The following EHBP1 variants were observed in gnomAD, a reference collection of about 807,000 sequenced individuals.
EHBP1 encodes the protein EH domain-binding protein 1.
A neutral mutation model predicts 144.0 loss-of-function variants in EHBP1; 55 were observed. The observed-to-expected ratio is 0.38, with a 90% CI of 0.31 to 0.48. EHBP1 has a LOEUF of 0.48. Among genes scored for constraint, EHBP1 ranks in the 20% least tolerant of loss-of-function variants. The pLI is 0.98. For missense variants in EHBP1, 1,200 were observed against 1,364.2 expected, an observed-to-expected ratio of 0.88 and a Z score of 1.90; for synonymous variants, 469 against 472.7, an observed-to-expected ratio of 0.99 and a Z score of 0.10.
At chr2:62,843,871 A>G (rs944193503) in intron 7 of EHBP1, among the ~76,000 whole-genome samples, 1 of 152,236 alleles carries the variant, frequency 6.6e-6, no homozygotes, top group African/African-American at 2.4e-5. Flanking sequence ...ATTTACCAGC[A>G]AAAGTGGCAA....
chr2:62,989,759 A>T (rs2059340903), intron 15 of EHBP1, among the ~76,000 whole-genome samples: 1 of 152,150 alleles, frequency 6.6e-6, no homozygotes, highest in Non-Finnish European at 1.5e-5. Flanking sequence ...AGAATATATT[A>T]TGATTTTTAT....
intron 10 of EHBP1, among the ~76,000 whole-genome samples, chr2:62,915,081 C>T (rs189834165): frequency 1.6e-4 from 25 of 152,028 alleles, no homozygotes; most frequent in South Asian, 1.2e-3. Context: ...ATTCCTAGAT[C>T]GGCATTTCCC....
chr2:62,993,585 G>A lies in EHBP1; in HGVS notation c.2789G>A (p.Arg930Lys). The A allele has an allele frequency of 6.2e-7, 1 of 1,609,080 alleles. No individual in the cohort carries two copies. Among genetic ancestry groups the A allele is most frequent in the Non-Finnish European group, 8.5e-7 (1 of 1,176,958 alleles). The change falls in exon 17 of 23, where the codon AGA becomes AAA. Residue 930 changes from arginine (R) to lysine (K), a missense_variant. Transcript: ENST00000431489. ...TTACAAAAAACAACAGAACGTTTTA[G>A]AAATCCTGTTGTGTTCAGCAAAGAT... ...ERLQKTTERF[R>K]NPVVFSKDST...
chr2:62,847,432 T>C (rs1348399306), intron 7 of EHBP1, among the ~76,000 whole-genome samples: 1 of 152,162 alleles, frequency 6.6e-6, no homozygotes, highest in Non-Finnish European at 1.5e-5. Context: ...GTTTCTGACC[T>C]CATGGTAGGC....
chr2:62,861,902 A>G (rs1341320957), intron 8 of EHBP1, among the ~76,000 whole-genome samples: 1 of 152,152 alleles, frequency 6.6e-6, no homozygotes, highest in Non-Finnish European at 1.5e-5. Context: ...CCTCTTCCTG[A>G]AAGAAAAAAA....
chr2:62,711,585 C>T (rs1315219236), intron 2 of EHBP1, among the ~76,000 whole-genome samples: 1 of 152,082 alleles, frequency 6.6e-6, no homozygotes, highest in Non-Finnish European at 1.5e-5. Context: ...TAGTTATAAT[C>T]ATGGGGCGAT....
chr2:62,741,134 C>G (rs1291004209), intron 2 of EHBP1, among the ~76,000 whole-genome samples: 1 of 152,092 alleles, frequency 6.6e-6, no homozygotes, highest in Non-Finnish European at 1.5e-5. Context: ...CCTCTCTGTT[C>G]TAGAATCCTG....
chr2:62,706,037 G>C lies in EHBP1; in HGVS notation c.-311G>C, dbSNP rs994791419. On this transcript the variant is annotated 5_prime_UTR_variant, in exon 1 of 23. Coordinates refer to ENST00000431489, the MANE Select transcript of EHBP1 (RefSeq NM_001142616.3). ...AAGGGAACGGGGCCAGACTCAGCCC[G>C]ACAGCGGGATTAGAGGTGTGAGGAG... 3.2e-5 allele frequency: 5 copies of C among 154,514 alleles called. No individual in the cohort carries two copies. The highest frequency in any genetic ancestry group is 1.2e-4 in the African/African-American group (5 of 40,970). The allele number at this position is 154,514 out of a possible 1,614,324, so 9.6% of individuals were successfully genotyped here.
At chr2:62,958,900 G>A (rs2057856303) in intron 14 of EHBP1, among the ~76,000 whole-genome samples, 2 of 152,142 alleles carry the variant, frequency 1.3e-5, no homozygotes, top group Non-Finnish European at 2.9e-5. Context: ...TTTTATTGTG[G>A]TAAGAACAGT....
intron 19 of EHBP1, among the ~76,000 whole-genome samples, chr2:62,998,517 T>C (rs530209691): frequency 6.6e-6 from 1 of 152,258 alleles, no homozygotes; most frequent in South Asian, 2.1e-4. Flanking sequence ...AAATTCAATG[T>C]TACTATACAA....
intron 19 of EHBP1, among the ~76,000 whole-genome samples, chr2:63,004,818 T>C (rs1280591603): frequency 6.6e-6 from 1 of 152,154 alleles, no homozygotes; most frequent in Admixed American, 6.6e-5. Context: ...ACCAAAATAT[T>C]GTTCTCAAAC....
At chr2:62,745,324 T>C (rs1329019044) in intron 2 of EHBP1, among the ~76,000 whole-genome samples, 1 of 151,286 alleles carries the variant, frequency 6.6e-6, no homozygotes, top group Non-Finnish European at 1.5e-5. Flanking sequence ...AAATAGAAAA[T>C]AGGTGTGTCT....
chr2:63,021,785 A>T lies in EHBP1; in HGVS notation c.3104-15750A>T, dbSNP rs551611965. Among the ~76,000 whole-genome samples the T allele has an allele frequency of 2.7e-4, 41 of 150,368 alleles. No homozygotes were observed. In the East Asian group the frequency reaches 2.9e-3, roughly 11 times the overall value. On this transcript the variant is annotated intron_variant, in intron 19 of 22. Transcript: ENST00000431489. ...CCAAATGGAAACTTTTTTTTTTTTT[A>T]AAACGGAGTCTCACACTGTCGCCCG... is the stretch of plus-strand genomic sequence containing the variant.
chr2:63,031,683 C>T (rs1417864210), intron 19 of EHBP1, among the ~76,000 whole-genome samples: 1 of 152,106 alleles, frequency 6.6e-6, no homozygotes, highest in East Asian at 1.9e-4. Context: ...AATCCCAGCA[C>T]TTTGGAAGGC....
At chr2:62,769,795 T>TAAAA (rs70962794) in intron 4 of EHBP1, among the ~76,000 whole-genome samples, 6 of 73,870 alleles carry the variant, frequency 8.1e-5, no homozygotes, top group Non-Finnish European at 1.6e-4. Flanking sequence ...ATGGTACTGG[T>TAAAA]AAAAAAAAAA....
intron 16 of EHBP1, among the ~76,000 whole-genome samples, chr2:62,992,728 G>A (rs2059463941): frequency 6.6e-6 from 1 of 152,140 alleles, no homozygotes; most frequent in Non-Finnish European, 1.5e-5. Context: ...ATAGGCCATT[G>A]GAGGGCTCCC....
chr2:62,788,449 T>C (rs1022561734), intron 5 of EHBP1, among the ~76,000 whole-genome samples: 7 of 152,170 alleles, frequency 4.6e-5, no homozygotes, highest in African/African-American at 1.7e-4. Flanking sequence ...CTCTGAGTAA[T>C]ACTCATGTTA....
In EHBP1 at chr2:62,747,433, G is replaced by C. The variant is rs1296666734; in HGVS notation, c.143G>C (p.Ser48Thr). The C allele has an allele frequency of 6.2e-7, 1 of 1,609,770 alleles. No homozygotes were observed. The highest frequency in any genetic ancestry group is 8.5e-7 in the Non-Finnish European group (1 of 1,177,804). The change falls in exon 3 of 23, where the codon AGC (serine) becomes ACC (threonine). Residue 48 changes from serine to threonine, a missense_variant. Ser to Thr is a moderately conservative substitution (Grantham distance 58, BLOSUM62 1). This residue lies in a region of EHBP1 where 137 missense variants were observed against 190.1 expected (regional missense o/e 0.72). Transcript: ENST00000431489. ...CTGGTGGTAGTTTGGACCAGAAGAA[G>C]CCGAAGGAAGTCTTCTAAGGTTAGT... ...DKLVVVWTRR[S>T]RRKSSKAHSW...
intron 2 of EHBP1, among the ~76,000 whole-genome samples, chr2:62,729,413 A>ATAAT (rs1201861234): frequency 1.8e-4 from 21 of 113,946 alleles, no homozygotes; most frequent in Non-Finnish European, 2.0e-4. Flanking sequence ...TAAATATAAT[A>ATAAT]ATAATAATAT....
Sources: gnomAD v4.1 joint callset for allele counts (sites outside exome capture counted in the v4.1 genomes callset) on GRCh38, gnomAD v4.1.1 for gene constraint, gnomAD v4.1.1 regional missense constraint, MANE v1.5 for transcripts, NCBI Gene and HGNC (gene_info 2026-07-23, HGNC 2026-07-21) for gene names.